Variants in C2CD4A observed in about 807,000 individuals in gnomAD.
C2CD4A encodes C2 calcium-dependent domain-containing protein 4A.
Under a neutral mutation model 0.4 loss-of-function variants are expected in C2CD4A, and 2 were observed. The ratio of observed to expected loss-of-function variants is 4.45; its 90% CI spans 1.82 to 13.99. The LOEUF (loss-of-function observed/expected upper bound fraction) is 13.99. Among genes scored for constraint, C2CD4A ranks in the 30% most tolerant of loss-of-function variants. The pLI, the probability that C2CD4A is intolerant of heterozygous loss-of-function variation, is 0.04. For missense variants in C2CD4A, 610 were observed against 574.2 expected, an observed-to-expected ratio of 1.06 and a Z score of -0.64; for synonymous variants, 297 against 280.8, an observed-to-expected ratio of 1.06 and a Z score of -0.58.
chr15:62,068,101 G>T lies in C2CD4A; in HGVS notation c.488G>T (p.Gly163Val), dbSNP rs970320430. The change falls in exon 2 of 2, where the codon GGC (glycine) becomes GTC (valine). Residue 163 changes from glycine (G) to valine (V), a missense_variant. By Grantham distance (109) the Gly-to-Val change is moderately radical (BLOSUM62 -3). Coordinates refer to ENST00000355522, the MANE Select transcript of C2CD4A (RefSeq NM_207322.3). ...APGPATPAAP[G>V]CPRPPQDALA... ...GGCCCGGCGACCCCCGCGGCCCCCG[G>T]CTGTCCCCGCCCGCCCCAGGACGCG... 16 of 1,145,302 alleles carry T rather than the reference G, an allele frequency of 1.4e-5. No individual in the cohort carries two copies. The highest frequency in any genetic ancestry group is 3.6e-4 in the Middle Eastern group (1 of 2,750). The allele number at this position is 1,145,302 out of a possible 1,614,324, so 70.9% of individuals were successfully genotyped here.
Position 62,068,311 on chromosome 15 carries a change from C to T in C2CD4A, c.698C>T (p.Ser233Leu), listed in dbSNP as rs1224384184. Residue 233 changes from serine (S) to leucine (L), a missense_variant, in exon 2 of 2, where the codon TCG (serine) becomes TTG (leucine). Ser to Leu is a moderately radical substitution (Grantham distance 145). Transcript: ENST00000355522. ...PARAPSTSPP[S>L]SRVPFPERLE... ...CGGGCCCCCTCCACGAGCCCGCCGT[C>T]GTCCCGGGTCCCGTTTCCCGAGCGC... 2.8e-6 allele frequency: 4 copies of T among 1,419,202 alleles called. No homozygotes were observed. The highest frequency in any genetic ancestry group is 3.7e-6 in the Non-Finnish European group (4 of 1,087,844). 87.9% of individuals were successfully genotyped at this position (1,419,202 alleles called of 1,614,324 possible).
rs7181462 is a variant in C2CD4A at position 62,069,089 on chromosome 15, G to C, written c.*366G>C. Reference sequence around the variant, plus strand: ...AATTGGTGCTTTCCACAACATGCATGGAGACCATCTTGGAGCATTTACTTT... The same window carrying C: ...AATTGGTGCTTTCCACAACATGCATCGAGACCATCTTGGAGCATTTACTTT... On this transcript the variant is annotated 3_prime_UTR_variant, in exon 2 of 2. Transcript: ENST00000355522. The C allele has an allele frequency of 1, 230,659 of 230,862 alleles. 115,229 individuals carry two copies. Among genetic ancestry groups the C allele is most frequent in the Middle Eastern group, 1 (644 of 644 alleles). The allele number at this position is 230,862 out of a possible 1,614,324, so 14.3% of individuals were successfully genotyped here.
rs772793300 is a variant in C2CD4A at position 62,067,621 on chromosome 15, G to T, written c.8G>T (p.Cys3Phe). 1 of 1,591,140 alleles carries T rather than the reference G, an allele frequency of 6.3e-7. No individual in the cohort carries two copies. Among genetic ancestry groups the T allele is most frequent in the Non-Finnish European group, 8.5e-7 (1 of 1,172,378 alleles). The stretch of plus-strand genomic sequence containing the variant: ...CCAGCAGAGAGTGGCCAGATGTGGT[G>T]CCTGGAGCGACTCCGCTTGGGTCCT... The part of the protein sequence containing the change: MW[C>F]LERLRLGPEC... The change falls in exon 2 of 2, where the codon TGC (cysteine) becomes TTC (phenylalanine). Residue 3 changes from cysteine (C) to phenylalanine (F), a missense_variant. Physicochemically the swap from Cys to Phe is radical, Grantham distance 205. Coordinates refer to ENST00000355522, the MANE Select transcript of C2CD4A (RefSeq NM_207322.3).
chr15:62,067,951 A>C lies in C2CD4A; in HGVS notation c.338A>C (p.His113Pro). 6.5e-7 allele frequency: 1 copy of C among 1,545,956 alleles called. No homozygotes were observed. Among genetic ancestry groups the C allele is most frequent in the Non-Finnish European group, 8.7e-7 (1 of 1,154,162 alleles). The change falls in exon 2 of 2, where the codon CAC becomes CCC. Residue 113 changes from histidine (H) to proline (P), a missense_variant. By Grantham distance (77) the His-to-Pro change is moderately conservative. Coordinates refer to ENST00000355522, the MANE Select transcript of C2CD4A (RefSeq NM_207322.3). ...YGFCALLESPHTRRKESLLLG... is the reference protein window; with the variant it reads ...YGFCALLESPPTRRKESLLLG... Reference sequence around the variant, plus strand: ...TTCTGCGCGCTGCTCGAGAGCCCGCACACGCGCCGCAAGGAGTCGCTCCTG... The same window carrying C: ...TTCTGCGCGCTGCTCGAGAGCCCGCCCACGCGCCGCAAGGAGTCGCTCCTG...
chr15:62,070,834 G>T lies in C2CD4A; in HGVS notation c.*2111G>T. The stretch of plus-strand genomic sequence containing the variant: ...ATTTTTTATGTATAACCTTCTTCAT[G>T]ATTTTGAAATTTTGATAGGGTAACT... On this transcript the variant is annotated 3_prime_UTR_variant, in exon 2 of 2. Coordinates refer to ENST00000355522, the MANE Select transcript of C2CD4A (RefSeq NM_207322.3). 3.9e-6 allele frequency: 1 copy of T among 258,716 alleles called. No individual in the cohort carries two copies. The highest frequency in any genetic ancestry group is 7.7e-6 in the Non-Finnish European group (1 of 130,530). The allele number at this position is 258,716 out of a possible 1,614,324, so 16.0% of individuals were successfully genotyped here.
At position 62,068,708 on chromosome 15, in the gene C2CD4A, C is replaced by T. The variant is rs749090926; in HGVS notation, c.1095C>T (p.Ala365=). 82 of 1,518,210 alleles carry T rather than the reference C, an allele frequency of 5.4e-5. No individual in the cohort carries two copies. The highest frequency in any genetic ancestry group is 4.3e-4 in the Admixed American group (21 of 48,372). The allele number at this position is 1,518,210 out of a possible 1,614,324, so 94.0% of individuals were successfully genotyped here. Reference sequence around the variant, plus strand: ...GCCAGGGTGAGCTGTCCCTGGGCGCCCTCCTGCTGCTCTGAGGGCCCAGCC... The same window carrying T: ...GCCAGGGTGAGCTGTCCCTGGGCGCTCTCCTGCTGCTCTGAGGGCCCAGCC... ...LLGQGELSLG[A]LLLL The change falls in exon 2 of 2, where the codon GCC becomes GCT. Residue 365 remains alanine (A), a synonymous_variant. Coordinates refer to ENST00000355522, the MANE Select transcript of C2CD4A (RefSeq NM_207322.3).
chr15:62,067,909 T>C lies in C2CD4A; in HGVS notation c.296T>C (p.Val99Ala). The C allele has an allele frequency of 6.3e-7, 1 of 1,595,322 alleles. No individual in the cohort carries two copies. The highest frequency in any genetic ancestry group is 8.5e-7 in the Non-Finnish European group (1 of 1,175,998). ...CTGTCACTGCCGCACCTGCCCCGTG[T>C]GCGCACCGCCTACGGCTTCTGCGCG... ...AALSLPHLPR[V>A]RTAYGFCALL... Residue 99 changes from valine (V) to alanine (A), a missense_variant, in exon 2 of 2, where the codon GTG becomes GCG. Physicochemically the swap from Val to Ala is moderately conservative, Grantham distance 64 (BLOSUM62 0). Transcript: ENST00000355522.
Position 62,068,683 on chromosome 15 carries a change from G to T in C2CD4A, c.1070G>T (p.Gly357Val). Residue 357 changes from glycine to valine, a missense_variant, in exon 2 of 2, where the codon GGC becomes GTC. Gly to Val is a moderately radical substitution (Grantham distance 109, BLOSUM62 -3). Transcript: ENST00000355522. ...GRGRERGRLL[G>V]QGELSLGALL... ...GGCCGGGAGCGGGGCCGCCTGCTGGGCCAGGGTGAGCTGTCCCTGGGCGCC... is the reference window on the plus strand; with the variant it reads ...GGCCGGGAGCGGGGCCGCCTGCTGGTCCAGGGTGAGCTGTCCCTGGGCGCC... The T allele has an allele frequency of 6.5e-7, 1 of 1,540,220 alleles. No individual in the cohort carries two copies. The highest frequency in any genetic ancestry group is 8.8e-7 in the Non-Finnish European group (1 of 1,141,334).
chr15:62,069,026 G>A lies in C2CD4A; in HGVS notation c.*303G>A, dbSNP rs185058636. On this transcript the variant is annotated 3_prime_UTR_variant, in exon 2 of 2. Transcript: ENST00000355522. ...ACATGAAGTGTTAGAACTAGAAAGT[G>A]TCTTGGCGATCTGTTTGCTCCAATC... 5 of 349,770 alleles carry A rather than the reference G, an allele frequency of 1.4e-5. No individual in the cohort carries two copies. The highest frequency in any genetic ancestry group is 2.7e-5 in the Non-Finnish European group (5 of 186,862). 21.7% of individuals were successfully genotyped at this position (349,770 alleles called of 1,614,324 possible).
chr15:62,069,762 C>A lies in C2CD4A; in HGVS notation c.*1039C>A. On this transcript the variant is annotated 3_prime_UTR_variant, in exon 2 of 2. Transcript: ENST00000355522. ...ACTCATTACTCTTATGTAGGTAATA[C>A]CACAGTGTCTAAAGGGCTCGCTATT... 1.2e-5 allele frequency: 2 copies of A among 167,174 alleles called. No homozygotes were observed. The allele number at this position is 167,174 out of a possible 1,614,324, so 10.4% of individuals were successfully genotyped here.
chr15:62,068,638 A>G lies in C2CD4A; in HGVS notation c.1025A>G (p.Lys342Arg), dbSNP rs1489330532. The G allele has an allele frequency of 6.4e-7, 1 of 1,554,206 alleles. No homozygotes were observed. Residue 342 changes from lysine to arginine, a missense_variant, in exon 2 of 2, where the codon AAG becomes AGG. By Grantham distance (26) the Lys-to-Arg change is conservative. Transcript: ENST00000355522. ...GTGCGCCGCCTGGCCGTTCGAGTCA[A>G]GGCCCGGGACGAGGGCCGCGGCCGG... ...DEVRRLAVRV[K>R]ARDEGRGRER...
rs1010877476 is a variant in C2CD4A at position 62,067,604 on chromosome 15, G to C, written c.-10G>C. The C allele has an allele frequency of 1.9e-6, 3 of 1,575,560 alleles. No homozygotes were observed. The highest frequency in any genetic ancestry group is 1.3e-5 in the African/African-American group (1 of 74,548). Reference sequence around the variant, plus strand: ...CTGCAGGTAGACAAGCTCCAGCAGAGAGTGGCCAGATGTGGTGCCTGGAGC... The same window carrying C: ...CTGCAGGTAGACAAGCTCCAGCAGACAGTGGCCAGATGTGGTGCCTGGAGC... On this transcript the variant is annotated 5_prime_UTR_variant, in exon 2 of 2. Coordinates refer to ENST00000355522, the MANE Select transcript of C2CD4A (RefSeq NM_207322.3).
rs370399523 is a variant in C2CD4A, at chr15:62,067,916, C to T, written c.303C>T (p.Thr101=). 2 of 1,590,936 alleles carry T rather than the reference C, an allele frequency of 1.3e-6. No individual in the cohort carries two copies. Among genetic ancestry groups the T allele is most frequent in the Admixed American group, 1.7e-5 (1 of 58,968 alleles). ...TGCCGCACCTGCCCCGTGTGCGCAC[C>T]GCCTACGGCTTCTGCGCGCTGCTCG... is the stretch of plus-strand genomic sequence containing the variant. ...LSLPHLPRVR[T]AYGFCALLES... Residue 101 remains threonine, a synonymous_variant, in exon 2 of 2, where the codon ACC becomes ACT. Coordinates refer to ENST00000355522, the MANE Select transcript of C2CD4A (RefSeq NM_207322.3).
Position 62,068,036 on chromosome 15 carries a change from G to C in C2CD4A, c.423G>C (p.Pro141=). Residue 141 remains proline (P), a synonymous_variant, in exon 2 of 2, where the codon CCG becomes CCC. Coordinates refer to ENST00000355522, the MANE Select transcript of C2CD4A (RefSeq NM_207322.3). ...ACACCTACGGCGGCGGCGGCGGCCC[G>C]GACGCCCTCCTGGGGACCCTGCGCG... ...RAHTYGGGGG[P]DALLGTLRVP... 1 of 1,269,380 alleles carries C rather than the reference G, an allele frequency of 7.9e-7. No individual in the cohort carries two copies. Among genetic ancestry groups the C allele is most frequent in the Non-Finnish European group, 9.8e-7 (1 of 1,015,246 alleles). The allele number at this position is 1,269,380 out of a possible 1,614,324, so 78.6% of individuals were successfully genotyped here.
In C2CD4A at chr15:62,068,125, C is replaced by G; in HGVS notation, c.512C>G (p.Ala171Gly). 3 of 1,185,852 alleles carry G rather than the reference C, an allele frequency of 2.5e-6. No individual in the cohort carries two copies. The highest frequency in any genetic ancestry group is 3.1e-6 in the Non-Finnish European group (3 of 960,820). The allele number at this position is 1,185,852 out of a possible 1,614,324, so 73.5% of individuals were successfully genotyped here. A position where few individuals can be genotyped will look rare whatever the true frequency, so the allele number is the denominator to read the frequency against. Residue 171 changes from alanine (A) to glycine (G), a missense_variant, in exon 2 of 2, where the codon GCG becomes GGG. Physicochemically the swap from Ala to Gly is moderately conservative, Grantham distance 60. Transcript: ENST00000355522. ...GGCTGTCCCCGCCCGCCCCAGGACG[C>G]GCTCGCCCGGCGGCCCCGCGGCTGC... Reference protein sequence around the residue: ...APGCPRPPQDALARRPRGCRL... With the variant: ...APGCPRPPQDGLARRPRGCRL...
chr15:62,068,718 C>A lies in C2CD4A; in HGVS notation c.1105C>A (p.Leu369Ile). 6.7e-7 allele frequency: 1 copy of A among 1,498,804 alleles called. No individual in the cohort carries two copies. The highest frequency in any genetic ancestry group is 8.9e-7 in the Non-Finnish European group (1 of 1,120,882). 92.8% of individuals were successfully genotyped at this position (1,498,804 alleles called of 1,614,324 possible). ...GCTGTCCCTGGGCGCCCTCCTGCTG[C>A]TCTGAGGGCCCAGCCCTCCCCGGGG... ...GELSLGALLL[L>I] is the part of the protein sequence containing the mutation. Residue 369 changes from leucine (L) to isoleucine (I), a missense_variant, in exon 2 of 2, where the codon CTC becomes ATC. By Grantham distance (5) the Leu-to-Ile change is conservative (BLOSUM62 2). Transcript: ENST00000355522.
Position 62,067,673 on chromosome 15 carries a change from G to A in C2CD4A, c.60G>A (p.Trp20Ter). The A allele has an allele frequency of 6.2e-7, 1 of 1,607,382 alleles. No individual in the cohort carries two copies. ...AGTGCCTTCGGCGGAGCGGAGACTG[G>A]CTTCTCCCGGGTCGGGCCCGCGGAG... is the stretch of plus-strand genomic sequence containing the variant. ...GPECLRRSGD[W>*]LLPGRARGAK... The change falls in exon 2 of 2, where the codon TGG (tryptophan) becomes TGA (stop). Residue 20 changes from tryptophan (W) to a stop codon, truncating the protein, a stop_gained. Transcript: ENST00000355522. LOFTEE classifies it low-confidence loss of function (END_TRUNC).
In C2CD4A at chr15:62,068,831, C is replaced by T; in HGVS notation, c.*108C>T. ...TGTTCTTATCAGTCCCGTTTCAGTACAACACTGGCAGAGATGATTCTAGAT... is the reference window on the plus strand; with the variant it reads ...TGTTCTTATCAGTCCCGTTTCAGTATAACACTGGCAGAGATGATTCTAGAT... On this transcript the variant is annotated 3_prime_UTR_variant, in exon 2 of 2. Coordinates refer to ENST00000355522, the MANE Select transcript of C2CD4A (RefSeq NM_207322.3). The T allele has an allele frequency of 7.6e-7, 1 of 1,319,134 alleles. No homozygotes were observed. Among genetic ancestry groups the T allele is most frequent in the Non-Finnish European group, 1.0e-6 (1 of 1,001,068 alleles). 81.7% of individuals were successfully genotyped at this position (1,319,134 alleles called of 1,614,324 possible). A position where few individuals can be genotyped will look rare whatever the true frequency, so the allele number is the denominator to read the frequency against.
chr15:62,067,766 C>A lies in C2CD4A; in HGVS notation c.153C>A (p.Ile51=), dbSNP rs761079434. 6.2e-7 allele frequency: 1 copy of A among 1,613,114 alleles called. No homozygotes were observed. The highest frequency in any genetic ancestry group is 8.5e-7 in the Non-Finnish European group (1 of 1,179,946). The part of the protein sequence containing the change: ...LTPDRIPEFC[I]PPRLMPRLAL... ...CGGACCGCATCCCTGAGTTCTGCAT[C>A]CCGCCACGGCTCATGCCCCGCCTGG... is the stretch of plus-strand genomic sequence containing the variant. Residue 51 remains isoleucine (I), a synonymous_variant, in exon 2 of 2, where the codon ATC becomes ATA. Coordinates refer to ENST00000355522, the MANE Select transcript of C2CD4A (RefSeq NM_207322.3).
Sources: allele counts gnomAD v4.1 joint callset, GRCh38; gene constraint gnomAD v4.1.1; transcripts MANE v1.5; gene names NCBI Gene and HGNC (gene_info 2026-07-23, HGNC 2026-07-21).